DNM2: variants seen among roughly 807,000 people sequenced by gnomAD.
DNM2 encodes dynamin 2, also known as dynamin-2.
DNM2 carries 15 observed loss-of-function variants against 99.0 expected under a neutral mutation model. That is an observed-to-expected ratio of 0.15 (90% CI 0.10 to 0.23). The LOEUF (loss-of-function observed/expected upper bound fraction) is 0.23, where lower values mean the gene tolerates loss of function less well. DNM2 is among the 10% of genes least tolerant of loss of function. The pLI is 1.00. For missense variants in DNM2, 742 were observed against 1,189.4 expected (o/e 0.62, Z 5.53); for synonymous variants, 525 against 481.2 (o/e 1.09, Z -1.19).
rs1454028931 is a variant in DNM2 at position 10,805,979 on chromosome 19, C to T, written c.1545+12C>T. ...CCATCCCCAATCAGGTAGCACACCC[C>T]TCTGCAGTCTCCCGCTCTACCCTGG... On this transcript the variant is annotated intron_variant, in intron 13 of 20. Transcript: ENST00000389253. 2 of 1,614,182 alleles carry T rather than the reference C, an allele frequency of 1.2e-6. No homozygotes were observed. The highest frequency in any genetic ancestry group is 3.3e-5 in the Admixed American group (2 of 60,028).
At chr19:10,737,121 C>T (rs974752336) in intron 1 of DNM2, among the ~76,000 whole-genome samples, 3 of 152,112 alleles carry the variant, frequency 2.0e-5, no homozygotes, top group South Asian at 2.1e-4. Context: ...GCACTCCAGC[C>T]GGGGAGACAG....
intron 6 of DNM2, among the ~76,000 whole-genome samples, chr19:10,783,564 A>G (rs4296360): frequency 0.94 from 143,555 of 152,192 alleles, 67,886 homozygotes; most frequent in East Asian, 1. Context: ...TACAACCATC[A>G]CTGTTATTAT....
intron 2 of DNM2, among the ~76,000 whole-genome samples, chr19:10,760,197 C>CTT (rs55799441): frequency 3.3e-4 from 47 of 140,848 alleles, no homozygotes; most frequent in African/African-American, 1.2e-3. Context: ...CCATGGCCAG[C>CTT]TTTTTTTTTT....
Position 10,770,736 on chromosome 19 carries a change from T to C in DNM2, c.236-1743T>C, listed in dbSNP as rs529998235. Among the ~76,000 whole-genome samples the C allele has an allele frequency of 3.4e-4, 52 of 152,202 alleles. No individual in the cohort carries two copies. The South Asian group carries it at 3.7e-3, about 11-fold the overall frequency. On this transcript the variant is annotated intron_variant, in intron 2 of 20. Coordinates refer to ENST00000389253, the MANE Select transcript of DNM2 (RefSeq NM_001005361.3). ...AGTGAGAGAGCTTCTGCAGGGAAAC[T>C]CCTGTTTTTAAAACCATCAGATCTC...
At chr19:10,731,170 C>G (rs1157316242) in intron 1 of DNM2, among the ~76,000 whole-genome samples, 1 of 152,056 alleles carries the variant, frequency 6.6e-6, no homozygotes, top group African/African-American at 2.4e-5. Flanking sequence ...GGGAAAGCCC[C>G]CAGGGCGGAT....
At chr19:10,774,773 A>ATTAT (rs1354212559) in intron 3 of DNM2, among the ~76,000 whole-genome samples, 5 of 110,598 alleles carry the variant, frequency 4.5e-5, no homozygotes, top group African/African-American at 1.7e-4. Flanking sequence ...TCTTTATTAT[A>ATTAT]TATTTATTTT....
chr19:10,736,822 C>T (rs2069546297), intron 1 of DNM2, among the ~76,000 whole-genome samples: 1 of 152,202 alleles, frequency 6.6e-6, no homozygotes, highest in African/African-American at 2.4e-5. Context: ...CCAGGCTGTT[C>T]TCCCTGCAGT....
chr19:10,807,052 T>A (rs1449799573), intron 13 of DNM2, among the ~76,000 whole-genome samples: 3 of 152,086 alleles, frequency 2.0e-5, no homozygotes, highest in Admixed American at 1.3e-4. Flanking sequence ...GCTGTATCAA[T>A]GCCTGCCTTC....
intron 1 of DNM2, among the ~76,000 whole-genome samples, chr19:10,751,775 C>T (rs2070204418): frequency 6.6e-6 from 1 of 152,258 alleles, no homozygotes; most frequent in Non-Finnish European, 1.5e-5. Context: ...GCGTCTCCGT[C>T]GCCCAGGCTG....
chr19:10,724,883 T>A (rs1338190426), intron 1 of DNM2, among the ~76,000 whole-genome samples: 1 of 152,216 alleles, frequency 6.6e-6, no homozygotes, highest in Non-Finnish European at 1.5e-5. Context: ...TGCTGGCGTT[T>A]CCAGCTGCGT....
In DNM2 at chr19:10,817,410, C is replaced by T. The variant is rs376681367; in HGVS notation, c.1672-2570C>T. The T allele has an allele frequency of 8.1e-5, 41 of 506,740 alleles. No homozygotes were observed. Among genetic ancestry groups the T allele is most frequent in the Non-Finnish European group, 4.9e-5 (12 of 246,546 alleles). 31.4% of individuals were successfully genotyped at this position (506,740 alleles called of 1,614,324 possible). A position where few individuals can be genotyped will look rare whatever the true frequency, so the allele number is the denominator to read the frequency against. ...GTTTGGGGGGCCTGTCTCGACGAGC[C>T]GCTCACCCAAGCCCAGCCTAACCAA... On this transcript the variant is annotated intron_variant, in intron 15 of 20. Coordinates refer to ENST00000389253, the MANE Select transcript of DNM2 (RefSeq NM_001005361.3). This position sits in a 1 kb window ranked among gnomAD's most constrained non-coding sequence, Gnocchi z 4.6.
chr19:10,759,634 G>A (rs1870728317), intron 1 of DNM2, 104 bp from the exon 2 acceptor site: 1 of 1,441,854 alleles, frequency 6.9e-7, no homozygotes, highest in Non-Finnish European at 9.8e-7. Flanking sequence ...CTTTGCTGAG[G>A]TCGCCCAAAT....
Position 10,817,479 on chromosome 19 carries a change from T to C in DNM2, c.1672-2501T>C, listed in dbSNP as rs1359124820. 2.1e-6 allele frequency: 1 copy of C among 483,096 alleles called. No homozygotes were observed. Among genetic ancestry groups the C allele is most frequent in the Non-Finnish European group, 4.3e-6 (1 of 234,866 alleles). The allele number at this position is 483,096 out of a possible 1,614,324, so 29.9% of individuals were successfully genotyped here. A position where few individuals can be genotyped will look rare whatever the true frequency, so the allele number is the denominator to read the frequency against. On this transcript the variant is annotated intron_variant, in intron 15 of 20. Transcript: ENST00000389253. This position sits in a 1 kb window ranked among gnomAD's most constrained non-coding sequence, Gnocchi z 4.6. ...CATTGAGAGCCTCCTGAACAGGTAG[T>C]CTGAACACTGGGTTGGCGGGGCCGG... is the stretch of plus-strand genomic sequence containing the variant.
chr19:10,725,775 C>A (rs1305330382), intron 1 of DNM2, among the ~76,000 whole-genome samples: 1 of 152,066 alleles, frequency 6.6e-6, no homozygotes, highest in Non-Finnish European at 1.5e-5. Context: ...GTGTACGTTT[C>A]TTTTCTCTTG....
chr19:10,793,639 AC>A, intron 7 of DNM2, 80 bp from the exon 8 acceptor site: 1 of 1,613,292 alleles, frequency 6.2e-7, no homozygotes. Context: ...AGAACAGTAA[AC>A]CCTGGCTTGA....
At chr19:10,771,255 C>T (rs2070968405) in intron 2 of DNM2, among the ~76,000 whole-genome samples, 1 of 152,182 alleles carries the variant, frequency 6.6e-6, no homozygotes, top group Non-Finnish European at 1.5e-5. Flanking sequence ...GATGAACATG[C>T]CTTATATTTG....
At chr19:10,748,391 G>C (rs1264483075) in intron 1 of DNM2, among the ~76,000 whole-genome samples, 1 of 152,160 alleles carries the variant, frequency 6.6e-6, no homozygotes, top group Non-Finnish European at 1.5e-5. Context: ...GGGAGCCCCA[G>C]GTCTGCAGCC....
intron 1 of DNM2, among the ~76,000 whole-genome samples, chr19:10,732,312 A>C (rs1236675912): frequency 1.3e-5 from 2 of 149,992 alleles, no homozygotes; most frequent in African/African-American, 2.4e-5. Flanking sequence ...AAAAAAAAAA[A>C]AAAAAACAGG....
chr19:10,751,035 G>C (rs1331498314), intron 1 of DNM2, among the ~76,000 whole-genome samples: 3 of 152,108 alleles, frequency 2.0e-5, no homozygotes, highest in Non-Finnish European at 4.4e-5. Flanking sequence ...AGCTCAGATG[G>C]GGGTATGGGG....
Sources: allele counts gnomAD v4.1 joint callset (sites outside exome capture counted in the v4.1 genomes callset), GRCh38; gene constraint gnomAD v4.1.1; non-coding constraint Gnocchi (gnomAD v3.1); transcripts MANE v1.5; gene names NCBI Gene and HGNC (gene_info 2026-07-23, HGNC 2026-07-21).